Variants in DMXL2 observed in about 807,000 individuals in gnomAD.
DMXL2 encodes the protein Dmx like 2.
In DMXL2, 103 loss-of-function variants were observed where a neutral mutation model predicts 331.1. That is an observed-to-expected ratio of 0.31 (90% CI 0.27 to 0.37). The LOEUF is 0.37. Among genes scored for constraint, DMXL2 ranks in the 10% least tolerant of loss-of-function variants. DMXL2 has a pLI of 1.00. For synonymous variants in DMXL2, 1,281 were observed against 1,252.1 expected (o/e 1.02, Z -0.49); for missense variants, 3,171 against 3,642.9 (o/e 0.87, Z 3.33).
rs930920 is a variant in DMXL2 at position 51,457,529 on chromosome 15, A to T, written c.8199-63T>A. On this transcript the variant is annotated intron_variant, in intron 36 of 43. Coordinates refer to ENST00000560891, the MANE Select transcript of DMXL2 (RefSeq NM_001378457.1). ...TTTTCTCTTAACACAAATTCCAACTAAAAATCTTCTTATGTACCCATAGGA... is the reference window on the plus strand; with the variant it reads ...TTTTCTCTTAACACAAATTCCAACTTAAAATCTTCTTATGTACCCATAGGA... 3.8e-6 allele frequency: 6 copies of T among 1,573,534 alleles called. No homozygotes were observed. In the South Asian group the frequency reaches 7.1e-5, roughly 19 times the overall value.
intron 20 of DMXL2, among the ~76,000 whole-genome samples, chr15:51,489,726 T>A (rs1007043341): frequency 6.6e-6 from 1 of 152,040 alleles, no homozygotes; most frequent in Non-Finnish European, 1.5e-5. Flanking sequence ...TCTTTTCCCT[T>A]CCCCCTTTTA....
At chr15:51,546,406 T>G (rs1392346571) in intron 7 of DMXL2, among the ~76,000 whole-genome samples, 4 of 152,120 alleles carry the variant, frequency 2.6e-5, no homozygotes, top group African/African-American at 7.2e-5. Flanking sequence ...GCAGAATATA[T>G]TTAGATTCAA....
chr15:51,617,281 G>A (rs1315287373), intron 1 of DMXL2, among the ~76,000 whole-genome samples: 2 of 152,148 alleles, frequency 1.3e-5, no homozygotes, highest in African/African-American at 2.4e-5. Flanking sequence ...GGAAAGCTGC[G>A]AAAGGAGAAC....
intron 17 of DMXL2, among the ~76,000 whole-genome samples, chr15:51,501,926 A>C (rs1217727337): frequency 6.9e-6 from 1 of 144,898 alleles, no homozygotes; most frequent in Non-Finnish European, 1.5e-5. Context: ...TCTCAAAAAA[A>C]AAAAAAAAAA....
intron 1 of DMXL2, among the ~76,000 whole-genome samples, chr15:51,618,797 C>G (rs1389903763): frequency 2.6e-5 from 4 of 152,162 alleles, no homozygotes; most frequent in African/African-American, 4.8e-5. Flanking sequence ...AAAACCTCTT[C>G]TTGTTTTCCC....
intron 33 of DMXL2, among the ~76,000 whole-genome samples, chr15:51,461,662 T>C (rs1450808949): frequency 6.6e-6 from 1 of 152,208 alleles, no homozygotes; most frequent in East Asian, 1.9e-4. Flanking sequence ...GCAATCCTCC[T>C]GCCTCAGCCC....
intron 1 of DMXL2, among the ~76,000 whole-genome samples, chr15:51,613,263 T>C (rs2054093073): frequency 6.6e-6 from 1 of 152,210 alleles, no homozygotes; most frequent in South Asian, 2.1e-4. Context: ...GGGGAAGTGA[T>C]AAATGTCCAT....
At chr15:51,517,874 T>C (rs2047124080) in intron 13 of DMXL2, among the ~76,000 whole-genome samples, 1 of 152,220 alleles carries the variant, frequency 6.6e-6, no homozygotes, top group African/African-American at 2.4e-5. Flanking sequence ...TTGTAGAAAC[T>C]TTCTTATTTG....
chr15:51,549,156 T>C (rs2049054744), intron 6 of DMXL2, among the ~76,000 whole-genome samples: 1 of 152,146 alleles, frequency 6.6e-6, no homozygotes, highest in Non-Finnish European at 1.5e-5. Flanking sequence ...GTATCATTCT[T>C]ATGCCTCTGC....
intron 14 of DMXL2, 93 bp downstream of exon 14, chr15:51,516,985 G>C: frequency 1.0e-6 from 1 of 996,526 alleles, no homozygotes; most frequent in Non-Finnish European, 1.5e-6. Flanking sequence ...TAACAAACAA[G>C]AAAATTATTC....
At chr15:51,490,947 A>T (rs1161019521) in intron 20 of DMXL2, among the ~76,000 whole-genome samples, 1 of 152,252 alleles carries the variant, frequency 6.6e-6, no homozygotes, top group African/African-American at 2.4e-5. Flanking sequence ...ATGTATTGTA[A>T]ATAACAAACA....
chr15:51,588,399 T>C (rs2052023849), intron 1 of DMXL2, among the ~76,000 whole-genome samples: 1 of 152,124 alleles, frequency 6.6e-6, no homozygotes, highest in Admixed American at 6.5e-5. Context: ...GCTCAAGTGA[T>C]CTGGCCAGGA....
rs569976015 is a variant in DMXL2 at position 51,601,274 on chromosome 15, A to C, written c.87+21185T>G. ...CCACTGCATTCCAGCCTGGGTGACAAAGCAAGACTCCATCTCAAAAAAAAA... is the reference window on the plus strand; with the variant it reads ...CCACTGCATTCCAGCCTGGGTGACACAGCAAGACTCCATCTCAAAAAAAAA... On this transcript the variant is annotated intron_variant, in intron 1 of 43. Transcript: ENST00000560891. 1.1e-4 allele frequency among the ~76,000 whole-genome samples: 13 copies of C among 115,842 alleles called. No homozygotes were observed. In the South Asian group the frequency reaches 3.7e-3, roughly 33 times the overall value. The allele number at this position is 115,842 out of a possible 152,430, so 76.0% of individuals were successfully genotyped here.
intron 1 of DMXL2, among the ~76,000 whole-genome samples, chr15:51,591,482 C>A (rs1331251011): frequency 6.6e-6 from 1 of 152,194 alleles, no homozygotes; most frequent in East Asian, 1.9e-4. Flanking sequence ...GCCTGCCTGC[C>A]TCTGTAGACT....
intron 6 of DMXL2, among the ~76,000 whole-genome samples, chr15:51,552,130 T>G (rs768117113): frequency 2.0e-5 from 3 of 152,112 alleles, no homozygotes; most frequent in Admixed American, 2.0e-4. Flanking sequence ...GACATCAGTG[T>G]CGTAGGCATT....
chr15:51,457,043 G>A (rs1414243772), intron 37 of DMXL2, among the ~76,000 whole-genome samples: 2 of 152,148 alleles, frequency 1.3e-5, no homozygotes, highest in Non-Finnish European at 2.9e-5. Flanking sequence ...ACGCTGGCAT[G>A]CACCTGTAGT....
chr15:51,529,363 AGACT>A (rs2047868972), intron 13 of DMXL2, among the ~76,000 whole-genome samples: 1 of 152,090 alleles, frequency 6.6e-6, no homozygotes, highest in African/African-American at 2.4e-5. Flanking sequence ...GTTTTTTCCC[AGACT>A]AAGAAAAAGA....
At position 51,456,053 on chromosome 15, in the gene DMXL2, C is replaced by A. The variant is rs759980636; in HGVS notation, c.8526+13G>T. 6.2e-7 allele frequency: 1 copy of A among 1,613,514 alleles called. No individual in the cohort carries two copies. Among genetic ancestry groups the A allele is most frequent in the Admixed American group, 1.7e-5 (1 of 59,878 alleles). ...TTTTCAGATGAATTCAGCAGTAGCC[C>A]CCAGAAACTAACCTTGTTGCCTTGT... On this transcript the variant is annotated intron_variant, in intron 39 of 43. Transcript: ENST00000560891.
At chr15:51,604,302 G>GAAA (rs912657346) in intron 1 of DMXL2, among the ~76,000 whole-genome samples, 1 of 106,250 alleles carries the variant, frequency 9.4e-6, no homozygotes, top group East Asian at 2.7e-4. Flanking sequence ...CTGCAATAAG[G>GAAA]AAAAAAAAAA....
Sources: gnomAD v4.1 joint callset for allele counts (sites outside exome capture counted in the v4.1 genomes callset) on GRCh38, gnomAD v4.1.1 for gene constraint, MANE v1.5 for transcripts, NCBI Gene and HGNC (gene_info 2026-07-23, HGNC 2026-07-21) for gene names.